The following ANK2 variants were observed in gnomAD, a reference collection of about 807,000 sequenced individuals.
The protein encoded by ANK2 is ankyrin-2.
In ANK2, 83 loss-of-function variants were observed where a neutral mutation model predicts 360.5. The observed-to-expected ratio is 0.23, with a 90% CI of 0.19 to 0.28. The LOEUF (loss-of-function observed/expected upper bound fraction) is 0.28. Among genes scored for constraint, ANK2 ranks in the 10% least tolerant of loss-of-function variants. ANK2 has a pLI of 1.00. For synonymous variants in ANK2, 1,740 were observed against 1,759.5 expected (o/e 0.99, Z 0.28); for missense variants, 4,201 against 4,795.7 (o/e 0.88, Z 3.66).
intron 23 of ANK2, among the ~76,000 whole-genome samples, chr4:113,306,544 T>G (rs1444128576): frequency 6.6e-6 from 1 of 152,156 alleles, no homozygotes; most frequent in Non-Finnish European, 1.5e-5. Context: ...CAGTGGTACA[T>G]AGAAAAAGTT....
intron 2 of ANK2, among the ~76,000 whole-genome samples, chr4:113,178,886 T>C (rs77252130): frequency 1.3e-5 from 2 of 152,204 alleles, no homozygotes; most frequent in Non-Finnish European, 2.9e-5. Flanking sequence ...CAAGCTTTTT[T>C]CTGCTGCAGG....
At chr4:113,273,886 A>G (rs772758316) in intron 14 of ANK2, among the ~76,000 whole-genome samples, 4 of 152,210 alleles carry the variant, frequency 2.6e-5, no homozygotes, top group Non-Finnish European at 4.4e-5. Context: ...TGCAAGTTCC[A>G]GAACTATCTA....
At chr4:112,970,549 T>C (rs2039141082) in intron 2 of ANK2, among the ~76,000 whole-genome samples, 2 of 152,128 alleles carry the variant, frequency 1.3e-5, no homozygotes, top group South Asian at 4.1e-4. Context: ...AGAGATTGGG[T>C]TTCATCATAT....
intron 2 of ANK2, chr4:113,034,516 A>G (rs1156264232): frequency 6.6e-6 from 1 of 151,960 alleles, no homozygotes; most frequent in Admixed American, 6.6e-5. Flanking sequence ...TTTCAGTGAG[A>G]AGAGAGTACC....
the ANK2 span, among the ~76,000 whole-genome samples, chr4:112,806,681 A>T: frequency 2.0e-5 from 3 of 151,950 alleles, no homozygotes; most frequent in Non-Finnish European, 2.9e-5. Flanking sequence ...AATAAAAAAA[A>T]TAGCCAGGTT....
At chr4:113,100,921 G>C (rs555712275) in intron 1 of ANK2, among the ~76,000 whole-genome samples, 1 of 152,070 alleles carries the variant, frequency 6.6e-6, no homozygotes, top group African/African-American at 2.4e-5. Flanking sequence ...TTTAGAAAAG[G>C]CAAAACTTTA....
At chr4:113,020,140 A>G (rs954996815) in intron 2 of ANK2, among the ~76,000 whole-genome samples, 1 of 152,210 alleles carries the variant, frequency 6.6e-6, no homozygotes, top group Non-Finnish European at 1.5e-5. Flanking sequence ...TTTGAGAGTC[A>G]AAGAAGATTC....
chr4:113,194,543 A>G (rs1038321580), intron 2 of ANK2, among the ~76,000 whole-genome samples: 1 of 152,194 alleles, frequency 6.6e-6, no homozygotes, highest in Non-Finnish European at 1.5e-5. Flanking sequence ...GAAGTGCTGA[A>G]CAAAAAAGAT....
chr4:113,355,897 G>T lies in ANK2; in HGVS notation c.7279G>T (p.Asp2427Tyr). Reference sequence around the variant, plus strand: ...CGAAGTCCTCAGCGCTGTGGCTGATGACTCATTAGCAGTGAGCCACAAAGA... The same window carrying T: ...CGAAGTCCTCAGCGCTGTGGCTGATTACTCATTAGCAGTGAGCCACAAAGA... ...DSEVLSAVADDSLAVSHKDSL... is the reference protein window; with the variant it reads ...DSEVLSAVADYSLAVSHKDSL... Residue 2427 changes from aspartate (D) to tyrosine (Y), a missense_variant, in exon 38 of 46, where the codon GAC becomes TAC. Asp to Tyr is a radical substitution (Grantham distance 160). Around this residue, in one of 4 missense-constraint regions of ANK2, gnomAD observed 2,642 missense variants for 2,714.5 expected, o/e 0.97. Coordinates refer to ENST00000357077, the MANE Select transcript of ANK2 (RefSeq NM_001148.6). 2 of 1,614,080 alleles carry T rather than the reference G, an allele frequency of 1.2e-6. No homozygotes were observed. Among genetic ancestry groups the T allele is most frequent in the South Asian group, 2.2e-5 (2 of 91,066 alleles).
chr4:113,136,677 A>G (rs570556632), intron 1 of ANK2, among the ~76,000 whole-genome samples: 18 of 152,200 alleles, frequency 1.2e-4, no homozygotes, highest in Admixed American at 7.2e-4. Context: ...CTGTCTCAAA[A>G]CAAACAAATA....
Position 113,355,601 on chromosome 4 carries a change from C to T in ANK2, c.6983C>T (p.Thr2328Ile). ...DTSPKRQDDC[T>I]GSCSVALAKE... is the part of the protein sequence containing the mutation. ...AGCCCTAAAAGACAAGATGATTGCA[C>T]AGGCAGCTGTAGTGTAGCATTAGCT... is the stretch of plus-strand genomic sequence containing the variant. Residue 2328 changes from threonine (T) to isoleucine (I), a missense_variant, in exon 38 of 46, where the codon ACA becomes ATA. Thr to Ile is a moderately conservative substitution (Grantham distance 89). This residue lies in a region of ANK2 where 2,642 missense variants were observed against 2,714.5 expected (regional missense o/e 0.97). Transcript: ENST00000357077. 6.2e-7 allele frequency: 1 copy of T among 1,614,106 alleles called. No homozygotes were observed. The highest frequency in any genetic ancestry group is 8.5e-7 in the Non-Finnish European group (1 of 1,179,978).
intron 15 of ANK2, 74 bp downstream of exon 15, chr4:113,274,723 C>A: frequency 6.7e-7 from 1 of 1,499,080 alleles, no homozygotes; most frequent in Non-Finnish European, 9.2e-7. Context: ...CTACCACATA[C>A]AGAATCAAGA....
rs545948283 is a variant in ANK2 at position 113,289,875 on chromosome 4, G to T, written c.2277+1389G>T. 2.0e-5 allele frequency among the ~76,000 whole-genome samples: 3 copies of T among 152,228 alleles called. No homozygotes were observed. The East Asian group carries it at 5.8e-4, about 29-fold the overall frequency. Reference sequence around the variant, plus strand: ...CTCTAATATGAATTCTCAGGCATTAGCTCCTAAAGCCTTTTCTGATGAGCC... The same window carrying T: ...CTCTAATATGAATTCTCAGGCATTATCTCCTAAAGCCTTTTCTGATGAGCC... On this transcript the variant is annotated intron_variant, in intron 20 of 45. Coordinates refer to ENST00000357077, the MANE Select transcript of ANK2 (RefSeq NM_001148.6).
intron 2 of ANK2, among the ~76,000 whole-genome samples, chr4:113,036,169 T>C (rs1223568653): frequency 1.3e-5 from 2 of 151,808 alleles, no homozygotes; most frequent in Non-Finnish European, 2.9e-5. Flanking sequence ...TCACTGGCCA[T>C]TTAATCTGCT....
chr4:113,144,867 G>A (rs2154387243), intron 1 of ANK2, among the ~76,000 whole-genome samples: 1 of 148,948 alleles, frequency 6.7e-6, no homozygotes, highest in Admixed American at 6.7e-5. Context: ...CCCTAATGGA[G>A]GAATAAAGCT....
intron 2 of ANK2, among the ~76,000 whole-genome samples, chr4:113,031,934 A>G (rs1193254734): frequency 6.6e-6 from 1 of 152,004 alleles, no homozygotes; most frequent in African/African-American, 2.4e-5. Context: ...CACTCAAGTT[A>G]ATCATAGTGT....
intron 1 of ANK2, among the ~76,000 whole-genome samples, chr4:113,050,324 A>G (rs1479402435): frequency 2.0e-5 from 3 of 152,154 alleles, no homozygotes; most frequent in Non-Finnish European, 2.9e-5. Context: ...CATCCCCAGC[A>G]TGATATTTCT....
upstream of ANK2, among the ~76,000 whole-genome samples, chr4:113,048,268 ATATATATATTTTTTTTTTTT>A (rs2065310955): frequency 2.4e-5 from 2 of 82,778 alleles, no homozygotes; most frequent in Non-Finnish European, 4.1e-5. Context: ...ATATATATAT[ATATATATATTTTTTTTTTTT>A]TTTTTTTTTT....
intron 1 of ANK2, among the ~76,000 whole-genome samples, chr4:112,886,534 C>T (rs113222524): frequency 0.027 from 4,179 of 152,004 alleles, 184 homozygotes; most frequent in African/African-American, 0.091. Context: ...TGGTGGCGCG[C>T]GCCTGTAATT....
Sources: allele counts gnomAD v4.1 joint callset (sites outside exome capture counted in the v4.1 genomes callset), GRCh38; gene constraint gnomAD v4.1.1; regional missense constraint gnomAD v4.1.1; transcripts MANE v1.5; gene names NCBI Gene and HGNC (gene_info 2026-07-23, HGNC 2026-07-21).